Variants in TMEM131 observed in about 807,000 individuals in gnomAD.
TMEM131 encodes transmembrane protein 131.
Under a neutral mutation model 211.6 loss-of-function variants are expected in TMEM131, and 66 were observed. The observed-to-expected ratio is 0.31, with a 90% CI of 0.26 to 0.38. TMEM131 has a LOEUF of 0.38. Ranked by LOEUF, TMEM131 falls within the 10% of genes least tolerant of loss-of-function variation. The probability of loss-of-function intolerance (pLI) is 1.00; values close to 1 mark genes in which losing one functional copy is unlikely to be tolerated. For missense variants in TMEM131, 2,036 were observed against 2,299.3 expected (o/e 0.89, Z 2.34); for synonymous variants, 844 against 841.3 (o/e 1.00, Z -0.06).
intron 25 of TMEM131, 122 bp downstream of exon 25, chr2:97,801,773 T>C: frequency 1.6e-6 from 1 of 637,322 alleles, no homozygotes. Context: ...TGGACTGCTC[T>C]GACTTCTTCA....
chr2:97,977,362 A>C (rs1394056269), intron 1 of TMEM131, among the ~76,000 whole-genome samples: 4 of 152,222 alleles, frequency 2.6e-5, no homozygotes, highest in Non-Finnish European at 5.9e-5. Flanking sequence ...GTGAAAAGAC[A>C]CTTTACCAAA....
intron 1 of TMEM131, among the ~76,000 whole-genome samples, chr2:97,956,494 GAT>G (rs1491431627): frequency 1.3e-5 from 2 of 151,614 alleles, no homozygotes; most frequent in African/African-American, 4.8e-5. Flanking sequence ...TTAAAATTTC[GAT>G]TTTTTTTCAA....
At chr2:97,895,145 T>C (rs1675552219) in intron 3 of TMEM131, among the ~76,000 whole-genome samples, 1 of 152,216 alleles carries the variant, frequency 6.6e-6, no homozygotes, top group Non-Finnish European at 1.5e-5. Context: ...GTTTTTGTCG[T>C]TGGTTCTGTT....
At chr2:97,978,658 C>T (rs1679654224) in intron 1 of TMEM131, among the ~76,000 whole-genome samples, 1 of 152,176 alleles carries the variant, frequency 6.6e-6, no homozygotes, top group Non-Finnish European at 1.5e-5. Flanking sequence ...GGCTACCATA[C>T]CCAGCCCAAG....
chr2:97,771,133 C>T (rs1049275219), intron 33 of TMEM131, among the ~76,000 whole-genome samples: 2 of 152,146 alleles, frequency 1.3e-5, no homozygotes, highest in African/African-American at 4.8e-5. Context: ...CTCTGCTTGA[C>T]GTTCCTTCTA....
chr2:97,812,110 C>T (rs780874060), intron 17 of TMEM131, among the ~76,000 whole-genome samples: 2 of 152,170 alleles, frequency 1.3e-5, no homozygotes, highest in Non-Finnish European at 2.9e-5. Flanking sequence ...ACTCAATGAA[C>T]ACAAGGTTAG....
chr2:97,914,471 A>G (rs971361960), intron 2 of TMEM131, among the ~76,000 whole-genome samples: 4 of 152,204 alleles, frequency 2.6e-5, no homozygotes, highest in South Asian at 2.1e-4. Context: ...ACCAGTCAAG[A>G]CACAGAACAG....
At chr2:97,845,850 AG>A (rs1183124033) in intron 5 of TMEM131, among the ~76,000 whole-genome samples, 3 of 152,186 alleles carry the variant, frequency 2.0e-5, no homozygotes, top group African/African-American at 4.8e-5. Flanking sequence ...TGTGATAAAA[AG>A]GGAGAAGTCA....
At chr2:97,759,195 AG>A in intron 39 of TMEM131, 142 bp from the exon 40 acceptor site, 1 of 1,021,868 alleles carries the variant, frequency 9.8e-7, no homozygotes, top group South Asian at 1.5e-5. Flanking sequence ...CACAGCCCAG[AG>A]GAAGTAGGGG....
intron 4 of TMEM131, among the ~76,000 whole-genome samples, chr2:97,868,735 TGATA>T (rs982245273): frequency 3.9e-5 from 6 of 152,128 alleles, no homozygotes; most frequent in East Asian, 3.8e-4. Flanking sequence ...CCTGAGGCAG[TGATA>T]GATAGGTATC....
At chr2:97,881,235 T>G (rs1674916023) in intron 4 of TMEM131, among the ~76,000 whole-genome samples, 1 of 141,630 alleles carries the variant, frequency 7.1e-6, no homozygotes. Context: ...GTTTCTTTCT[T>G]GCGACTCTTT....
intron 6 of TMEM131, among the ~76,000 whole-genome samples, chr2:97,843,456 C>T (rs1389953960): frequency 1.3e-5 from 2 of 152,160 alleles, no homozygotes; most frequent in African/African-American, 4.8e-5. Context: ...CCACTTCAGC[C>T]TCCCGAGTAG....
intron 3 of TMEM131, among the ~76,000 whole-genome samples, chr2:97,888,924 G>A (rs960777097): frequency 2.0e-5 from 3 of 152,156 alleles, no homozygotes; most frequent in African/African-American, 7.2e-5. Context: ...AACCCATTTT[G>A]TGAGACTACT....
chr2:97,912,176 ATGTAAAGATAC>A (rs1676317978), intron 2 of TMEM131, among the ~76,000 whole-genome samples: 1 of 152,232 alleles, frequency 6.6e-6, no homozygotes, highest in Non-Finnish European at 1.5e-5. Flanking sequence ...TAACTTTACA[ATGTAAAGATAC>A]ATAAAAACTG....
chr2:97,761,798 G>T, intron 36 of TMEM131: 1 of 446,310 alleles, frequency 2.2e-6, no homozygotes, highest in Non-Finnish European at 3.9e-6. Context: ...TGCATTTCTC[G>T]GTCCACAGGT....
In TMEM131 at chr2:97,959,267, T is replaced by C. The variant is rs75150449; in HGVS notation, c.188-31780A>G. Among the ~76,000 whole-genome samples the C allele has an allele frequency of 8.6e-4, 131 of 152,216 alleles. 2 individuals are homozygous for C. The East Asian group carries it at 0.022, about 25-fold the overall frequency. ...AGGGAGAAATAGAAGGAGCTGACGCTGGAGGGTCTGTTTCAATGAGCTAAG... is the reference window on the plus strand; with the variant it reads ...AGGGAGAAATAGAAGGAGCTGACGCCGGAGGGTCTGTTTCAATGAGCTAAG... On this transcript the variant is annotated intron_variant, in intron 1 of 40. Transcript: ENST00000186436.
intron 4 of TMEM131, among the ~76,000 whole-genome samples, chr2:97,884,216 G>A (rs1052792804): frequency 3.9e-5 from 6 of 151,988 alleles, no homozygotes; most frequent in African/African-American, 1.2e-4. Context: ...TGATTTTCAC[G>A]TATTTGTAGT....
intron 3 of TMEM131, among the ~76,000 whole-genome samples, chr2:97,901,703 C>G (rs116772320): frequency 0.012 from 1,824 of 152,208 alleles, 40 homozygotes; most frequent in African/African-American, 0.041. Flanking sequence ...ATTGCATGTT[C>G]TGACTTATAG....
At chr2:97,887,165 G>A (rs1675196648) in intron 4 of TMEM131, among the ~76,000 whole-genome samples, 1 of 152,256 alleles carries the variant, frequency 6.6e-6, no homozygotes, top group Non-Finnish European at 1.5e-5. Flanking sequence ...CCAAGACACA[G>A]TTGCAAGTCT....
Sources: allele counts gnomAD v4.1 joint callset (sites outside exome capture counted in the v4.1 genomes callset), GRCh38; gene constraint gnomAD v4.1.1; transcripts MANE v1.5; gene names NCBI Gene and HGNC (gene_info 2026-07-23, HGNC 2026-07-21).